Variants in PARG observed in about 807,000 individuals in gnomAD.
The protein encoded by PARG is mitochondrial poly(ADP-ribose) glycohydrolase.
In PARG, 35 loss-of-function variants were observed where a neutral mutation model predicts 113.0. The observed-to-expected ratio is 0.31, with a 90% CI of 0.24 to 0.41. PARG has a LOEUF of 0.41. Among genes scored for constraint, PARG ranks in the 10% least tolerant of loss-of-function variants. PARG has a pLI of 1.00. For synonymous variants in PARG, 330 were observed against 409.9 expected (o/e 0.81, Z 2.36); for missense variants, 797 against 1,169.4 (o/e 0.68, Z 4.64).
chr10:49,923,659 G>C (rs528224641), intron 4 of PARG, among the ~76,000 whole-genome samples: 2 of 151,870 alleles, frequency 1.3e-5, no homozygotes, highest in Non-Finnish European at 2.9e-5. Flanking sequence ...CGGCGCCAGG[G>C]AAAGGAGTCA....
chr10:49,917,171 C>G (rs1386794223), intron 6 of PARG, among the ~76,000 whole-genome samples: 1 of 152,092 alleles, frequency 6.6e-6, no homozygotes, highest in Non-Finnish European at 1.5e-5. Flanking sequence ...ACTCACAAGT[C>G]ATACATAACA....
intron 17 of PARG, 49 bp downstream of exon 17, chr10:49,820,116 G>A (rs1376598475): frequency 2.3e-6 from 3 of 1,316,142 alleles, no homozygotes; most frequent in Admixed American, 4.1e-5. Context: ...CCCACTGAAT[G>A]GTGTACAATC....
chr10:49,902,290 T>A (rs1177337702), intron 7 of PARG, among the ~76,000 whole-genome samples: 1 of 152,218 alleles, frequency 6.6e-6, no homozygotes, highest in Non-Finnish European at 1.5e-5. Flanking sequence ...AAAAGAAGGA[T>A]GAAAATGGTC....
intron 9 of PARG, among the ~76,000 whole-genome samples, chr10:49,874,337 T>C (rs1846842540): frequency 6.6e-6 from 1 of 152,224 alleles, no homozygotes; most frequent in Non-Finnish European, 1.5e-5. Context: ...TTCATTTACA[T>C]AAAGCAGTTG....
chr10:49,938,461 G>A (rs1838853753), intron 1 of PARG, among the ~76,000 whole-genome samples: 1 of 152,072 alleles, frequency 6.6e-6, no homozygotes, highest in Admixed American at 6.6e-5. Context: ...CAGCCAAAAG[G>A]CACAAAACGC....
intron 7 of PARG, among the ~76,000 whole-genome samples, chr10:49,906,189 GT>G (rs1365297680): frequency 2.1e-5 from 3 of 144,390 alleles, no homozygotes; most frequent in African/African-American, 7.7e-5. Flanking sequence ...CACCATGTTG[GT>G]CAGGCTGGTC....
At chr10:49,912,128 T>C (rs1485824913) in intron 7 of PARG, among the ~76,000 whole-genome samples, 4 of 151,716 alleles carry the variant, frequency 2.6e-5, no homozygotes, top group Admixed American at 1.3e-4. Context: ...AGTGAAACCC[T>C]GTCTCTACCA....
intron 16 of PARG, among the ~76,000 whole-genome samples, chr10:49,832,539 C>T (rs1564598164): frequency 6.6e-6 from 1 of 152,176 alleles, no homozygotes; most frequent in East Asian, 1.9e-4. Context: ...TCATTATATG[C>T]TCTTCTCCTC....
intron 1 of PARG, among the ~76,000 whole-genome samples, chr10:49,940,665 TAC>T (rs1458441122): frequency 6.6e-6 from 1 of 152,168 alleles, no homozygotes; most frequent in Admixed American, 6.5e-5. Flanking sequence ...TAGCTGGGAT[TAC>T]AGTTGCCCGC....
chr10:49,841,797 C>T (rs1169609115), intron 15 of PARG, among the ~76,000 whole-genome samples, 153 bp downstream of exon 15: 1 of 152,210 alleles, frequency 6.6e-6, no homozygotes, highest in Non-Finnish European at 1.5e-5. Context: ...GAAAGTACAT[C>T]TTGTACAAGC....
At chr10:49,849,674 G>T (rs189963451) in intron 13 of PARG, among the ~76,000 whole-genome samples, 10,581 of 152,072 alleles carry the variant, frequency 0.07, 516 homozygotes, top group African/African-American at 0.12. Context: ...TTAAGAAATG[G>T]AATCTGACTC....
intron 17 of PARG, 27 bp downstream of exon 17, chr10:49,820,138 C>T (rs1564587437): frequency 1.4e-6 from 2 of 1,479,910 alleles, no homozygotes; most frequent in Non-Finnish European, 1.8e-6. Flanking sequence ...ATCTAGATAC[C>T]AAGTGTCAAG....
In PARG at chr10:49,842,053, T is replaced by C. The variant is rs1554832465; in HGVS notation, c.2438A>G (p.Asp813Gly). ...RSHEDGSERD[D>G]WQRRCTEIVA... ...GATCTCAGTGCAGCGCCGCTGCCAG[T>C]CGTCCCTGGGACAGGAAGGAAAGGG... The change falls in exon 15 of 18, where the codon GAC (aspartate) becomes GGC (glycine). Residue 813 changes from aspartate to glycine, a missense_variant. By Grantham distance (94) the Asp-to-Gly change is moderately conservative (BLOSUM62 -1). Transcript: ENST00000616448. 1 of 1,546,320 alleles carries C rather than the reference T, an allele frequency of 6.5e-7. No homozygotes were observed. The highest frequency in any genetic ancestry group is 2.4e-5 in the East Asian group (1 of 40,902).
chr10:49,868,127 A>C (rs1359837829), intron 10 of PARG, among the ~76,000 whole-genome samples: 1 of 152,092 alleles, frequency 6.6e-6, no homozygotes, highest in African/African-American at 2.4e-5. Context: ...AGCTGGCATT[A>C]CACTCTCCCG....
chr10:49,830,113 G>C lies in PARG; in HGVS notation c.2647+2690C>G, dbSNP rs544519952. Among the ~76,000 whole-genome samples, 50 of 152,172 alleles carry C rather than the reference G, an allele frequency of 3.3e-4. 1 individual carries two copies. Among genetic ancestry groups the C allele is most frequent in the African/African-American group, 9.9e-4 (41 of 41,532 alleles). Reference sequence around the variant, plus strand: ...AGACTACTATGCTTGATAGTCACCAGAGCAAGCACAGCTGCAGTCTGAAAG... The same window carrying C: ...AGACTACTATGCTTGATAGTCACCACAGCAAGCACAGCTGCAGTCTGAAAG... On this transcript the variant is annotated intron_variant, in intron 16 of 17. Transcript: ENST00000616448.
At chr10:49,859,158 A>C (rs1177720305) in intron 12 of PARG, among the ~76,000 whole-genome samples, 4 of 149,560 alleles carry the variant, frequency 2.7e-5, no homozygotes, top group African/African-American at 9.8e-5. Flanking sequence ...GCAAAAAAAA[A>C]AAACAAATGT....
intron 15 of PARG, among the ~76,000 whole-genome samples, chr10:49,838,602 C>T (rs964961518): frequency 7.2e-5 from 11 of 151,904 alleles, no homozygotes; most frequent in Admixed American, 6.5e-4. Flanking sequence ...GTTATGCCTC[C>T]CTGAGTGGTT....
intron 13 of PARG, among the ~76,000 whole-genome samples, chr10:49,845,078 G>A (rs1169167040): frequency 1.3e-5 from 2 of 152,112 alleles, no homozygotes; most frequent in African/African-American, 2.4e-5. Context: ...CAAAAGAGAG[G>A]CTAAAATACA....
intron 13 of PARG, among the ~76,000 whole-genome samples, chr10:49,852,926 G>A (rs1476179202): frequency 9.3e-5 from 14 of 149,934 alleles, no homozygotes; most frequent in African/African-American, 3.4e-4. Flanking sequence ...AAGTTTAAAT[G>A]CATTTTACCA....
Sources: gnomAD v4.1 joint callset for allele counts (sites outside exome capture counted in the v4.1 genomes callset) on GRCh38, gnomAD v4.1.1 for gene constraint, MANE v1.5 for transcripts, NCBI Gene and HGNC (gene_info 2026-07-23, HGNC 2026-07-21) for gene names.